The following HMCN2 variants were observed in gnomAD, a reference collection of about 807,000 sequenced individuals.
HMCN2 encodes hemicentin-2.
In HMCN2, 325 loss-of-function variants were observed where a neutral mutation model predicts 377.5. The ratio of observed to expected loss-of-function variants is 0.86; its 90% confidence interval spans 0.79 to 0.94. HMCN2 has a LOEUF of 0.94. HMCN2 is among the 40% of genes least tolerant of loss of function. The pLI, the probability that HMCN2 is intolerant of heterozygous loss-of-function variation, is 0.00. For missense variants in HMCN2, 4,543 were observed against 4,725.3 expected, an observed-to-expected ratio of 0.96 and a Z score of 1.13; for synonymous variants, 2,007 against 2,046.8, an observed-to-expected ratio of 0.98 and a Z score of 0.53.
Position 130,375,747 on chromosome 9 carries a change from C to T in HMCN2, c.7804+11C>T. ...TCCAGCTGCTCCCAGGTGACGCCCT[C>T]TGGGGGGAAAGGAGGGAGGGAACAG... On this transcript the variant is annotated intron_variant, in intron 50 of 97. Transcript: ENST00000683500. 1.0e-6 allele frequency: 1 copy of T among 985,798 alleles called. No individual in the cohort carries two copies. The highest frequency in any genetic ancestry group is 1.2e-6 in the Non-Finnish European group (1 of 829,920). The allele number at this position is 985,798 out of a possible 1,614,324, so 61.1% of individuals were successfully genotyped here. A position where few individuals can be genotyped will look rare whatever the true frequency, so the allele number is the denominator to read the frequency against.
chr9:130,274,332 A>C (rs1834561906), intron 1 of HMCN2, among the ~76,000 whole-genome samples: 1 of 152,202 alleles, frequency 6.6e-6, no homozygotes. Context: ...CTGGGATTGC[A>C]GGTGTGAGCC....
chr9:130,317,493 C>CAA (rs1837624285), intron 15 of HMCN2, among the ~76,000 whole-genome samples: 1 of 140,430 alleles, frequency 7.1e-6, no homozygotes, highest in African/African-American at 3.1e-5. Context: ...CTCTCTCTCT[C>CAA]TCTCTCTCTC....
intron 45 of HMCN2, among the ~76,000 whole-genome samples, 182 bp from the exon 46 acceptor site, chr9:130,370,782 G>A (rs534869282): frequency 6.6e-6 from 1 of 152,324 alleles, no homozygotes; most frequent in South Asian, 2.1e-4. Context: ...CCCAGCCTGT[G>A]GCGCCATGGG....
intron 35 of HMCN2, 70 bp from the exon 36 acceptor site, chr9:130,358,320 C>G: frequency 1.5e-6 from 2 of 1,299,354 alleles, no homozygotes; most frequent in Non-Finnish European, 2.0e-6. Flanking sequence ...CGGCAGCAGC[C>G]TGGCCACTCG....
In HMCN2 at chr9:130,373,064, T is replaced by G. The variant is rs1463920292; in HGVS notation, c.7378T>G (p.Leu2460Val). 1 of 968,072 alleles carries G rather than the reference T, an allele frequency of 1.0e-6. No homozygotes were observed. Among genetic ancestry groups the G allele is most frequent in the African/African-American group, 1.9e-5 (1 of 53,130 alleles). 60.0% of individuals were successfully genotyped at this position (968,072 alleles called of 1,614,324 possible). ...TCCTCCCAGTATTGAGAACGAGGAC[T>G]TGGAGGAGGTGATCAAGGTCCTTGA... ...LVPPSIENEDLEEVIKVLDGQ... is the reference protein window; with the variant it reads ...LVPPSIENEDVEEVIKVLDGQ... Residue 2460 changes from leucine to valine, a missense_variant, in exon 48 of 98, where the codon TTG (leucine) becomes GTG (valine). Physicochemically the swap from Leu to Val is conservative, Grantham distance 32. This residue lies in a region of HMCN2 where 1,032 missense variants were observed against 1,285.1 expected (regional missense o/e 0.80). Coordinates refer to ENST00000683500, the MANE Select transcript of HMCN2 (RefSeq NM_001291815.2).
At chr9:130,427,749 T>C in intron 92 of HMCN2, 130 bp downstream of exon 92, 2 of 1,173,990 alleles carry the variant, frequency 1.7e-6, no homozygotes, top group Non-Finnish European at 2.3e-6. Flanking sequence ...CTTGAGGGTT[T>C]TGATGTCAGC....
At chr9:130,363,694 G>A (rs916995086) in intron 40 of HMCN2, among the ~76,000 whole-genome samples, 8 of 151,900 alleles carry the variant, frequency 5.3e-5, no homozygotes, top group East Asian at 1.9e-4. Context: ...ATGGTGGTGC[G>A]TGCCTGTAGT....
At chr9:130,384,569 G>A (rs879448365) in intron 58 of HMCN2, 35 bp downstream of exon 58, 52 of 1,304,152 alleles carry the variant, frequency 4.0e-5, no homozygotes, top group Non-Finnish European at 5.0e-5. Flanking sequence ...CAGCTCTAAG[G>A]TTACATGGGG....
In HMCN2 at chr9:130,433,936, G is replaced by C. The variant is rs2131849992; in HGVS notation, c.*243G>C. On this transcript the variant is annotated 3_prime_UTR_variant, in exon 98 of 98. Coordinates refer to ENST00000683500, the MANE Select transcript of HMCN2 (RefSeq NM_001291815.2). Reference sequence around the variant, plus strand: ...GGCCAGTCCCGCAGGCAGGGCCCGGGGAAGCCCGGATCAGACCTCCAGGTC... The same window carrying C: ...GGCCAGTCCCGCAGGCAGGGCCCGGCGAAGCCCGGATCAGACCTCCAGGTC... 4.5e-6 allele frequency: 2 copies of C among 444,438 alleles called. No homozygotes were observed. The highest frequency in any genetic ancestry group is 7.6e-5 in the East Asian group (2 of 26,380). 27.5% of individuals were successfully genotyped at this position (444,438 alleles called of 1,614,324 possible).
chr9:130,357,914 G>T lies in HMCN2; in HGVS notation c.5506G>T (p.Asp1836Tyr). 3.1e-6 allele frequency: 4 copies of T among 1,304,112 alleles called. No homozygotes were observed. The highest frequency in any genetic ancestry group is 4.0e-6 in the Non-Finnish European group (4 of 988,800). 80.8% of individuals were successfully genotyped at this position (1,304,112 alleles called of 1,614,324 possible). Reference sequence around the variant, plus strand: ...GCCTGTGACCCTCCAGTGCATAGGGGATGGGGTGCCCACCCCAAGCCTCCG... The same window carrying T: ...GCCTGTGACCCTCCAGTGCATAGGGTATGGGGTGCCCACCCCAAGCCTCCG... ...LQPVTLQCIGDGVPTPSLRWW... is the reference protein window; with the variant it reads ...LQPVTLQCIGYGVPTPSLRWW... The change falls in exon 35 of 98, where the codon GAT becomes TAT. Residue 1836 changes from aspartate (D) to tyrosine (Y), a missense_variant. Transcript: ENST00000683500.
intron 53 of HMCN2, among the ~76,000 whole-genome samples, chr9:130,378,138 G>A (rs577648506): frequency 1.3e-5 from 2 of 152,134 alleles, no homozygotes; most frequent in African/African-American, 4.8e-5. Flanking sequence ...ATCTCTGGTC[G>A]AGAGTAAGCT....
rs150187727 is a variant in HMCN2, at chr9:130,295,753, C to G, written c.872C>G (p.Pro291Arg). ...AKVVAFKPEHPGLWSIKVYSS... is the reference protein window; with the variant it reads ...AKVVAFKPEHRGLWSIKVYSS... ...GTCGTAGCCTTTAAGCCTGAGCATCCGGGGCTGTGGTCCATCAAGGTAGGG... is the reference window on the plus strand; with the variant it reads ...GTCGTAGCCTTTAAGCCTGAGCATCGGGGGCTGTGGTCCATCAAGGTAGGG... Residue 291 changes from proline (P) to arginine (R), a missense_variant, in exon 6 of 98, where the codon CCG becomes CGG. Transcript: ENST00000683500. 1 of 470,860 alleles carries G rather than the reference C, an allele frequency of 2.1e-6. No individual in the cohort carries two copies. The highest frequency in any genetic ancestry group is 4.4e-6 in the Non-Finnish European group (1 of 226,992). 29.2% of individuals were successfully genotyped at this position (470,860 alleles called of 1,614,324 possible). A position where few individuals can be genotyped will look rare whatever the true frequency, so the allele number is the denominator to read the frequency against.
Position 130,349,023 on chromosome 9 carries a change from C to T in HMCN2, c.4195C>T (p.Gln1399Ter). Residue 1399 changes from glutamine to a stop codon, truncating the protein, a stop_gained, in exon 28 of 98, where the codon CAG becomes TAG. Transcript: ENST00000683500. LOFTEE classifies it high-confidence loss of function. ...CGGCCACCGCCTCCTGGACGAGGGC[C>T]AGTCCCTCCACTTCCCCAGGATCCA... ...VGGHRLLDEG[Q>*]SLHFPRIQEG... 2 of 1,304,192 alleles carry T rather than the reference C, an allele frequency of 1.5e-6. No individual in the cohort carries two copies. The highest frequency in any genetic ancestry group is 2.0e-6 in the Non-Finnish European group (2 of 988,918). The allele number at this position is 1,304,192 out of a possible 1,614,324, so 80.8% of individuals were successfully genotyped here.
At chr9:130,425,543 C>G (rs778657293) in intron 89 of HMCN2, 144 bp from the exon 90 acceptor site, 10 of 661,296 alleles carry the variant, frequency 1.5e-5, no homozygotes, top group Non-Finnish European at 2.4e-5. Flanking sequence ...TTCTCCCAAG[C>G]CTCCTCAAGC....
chr9:130,421,602 C>G, intron 86 of HMCN2, among the ~76,000 whole-genome samples: 1 of 152,312 alleles, frequency 6.6e-6, no homozygotes, highest in East Asian at 1.9e-4. Flanking sequence ...CCAGCCTTCT[C>G]ATCTGCAGCT....
At chr9:130,392,804 GGC>G (rs1842394441) in intron 66 of HMCN2, among the ~76,000 whole-genome samples, 1 of 152,066 alleles carries the variant, frequency 6.6e-6, no homozygotes. Context: ...AGACCATCCT[GGC>G]TAACACGGTG....
chr9:130,394,507 G>A lies in HMCN2; in HGVS notation c.10624G>A (p.Gly3542Arg), dbSNP rs773287581. 11 of 1,289,678 alleles carry A rather than the reference G, an allele frequency of 8.5e-6. No individual in the cohort carries two copies. In the East Asian group the frequency reaches 2.2e-4, roughly 26 times the overall value. 79.9% of individuals were successfully genotyped at this position (1,289,678 alleles called of 1,614,324 possible). Reference sequence around the variant, plus strand: ...GCCCAACATCACCTGGCATAAGGACGGGCAGGCCCTGACCAGGCTGGAGAA... The same window carrying A: ...GCCCAACATCACCTGGCATAAGGACAGGCAGGCCCTGACCAGGCTGGAGAA... ...PQPNITWHKD[G>R]QALTRLENNS... Residue 3542 changes from glycine (G) to arginine (R), a missense_variant, in exon 69 of 98, where the codon GGG (glycine) becomes AGG (arginine). By Grantham distance (125) the Gly-to-Arg change is moderately radical. Transcript: ENST00000683500. This position sits in a 1 kb window ranked among gnomAD's most constrained non-coding sequence, Gnocchi z 5.1.
In HMCN2 at chr9:130,433,502, GA is replaced by G; in HGVS notation, c.15050del (p.Glu5017GlyfsTer75). The G allele has an allele frequency of 3.3e-6, 5 of 1,498,030 alleles. No homozygotes were observed. The highest frequency in any genetic ancestry group is 2.7e-6 in the Non-Finnish European group (3 of 1,131,074). The allele number at this position is 1,498,030 out of a possible 1,614,324, so 92.8% of individuals were successfully genotyped here. Reference sequence around the variant, plus strand: ...GGTCGGCGTCCCCGCCAACCGCACCGAGCTCAGCATGCTGGAGCCCGACCCC... The same window carrying G: ...GGTCGGCGTCCCCGCCAACCGCACCGGCTCAGCATGCTGGAGCCCGACCCC... ...SEVGVPANRT[E>X]LSMLEPDPRS... On this transcript the variant is annotated frameshift_variant, in exon 98 of 98. Transcript: ENST00000683500. LOFTEE classifies it high-confidence loss of function.
chr9:130,382,335 T>C, intron 55 of HMCN2, 38 bp downstream of exon 55: 1 of 936,410 alleles, frequency 1.1e-6, no homozygotes, highest in Non-Finnish European at 1.3e-6. Context: ...TTCCCGGGAC[T>C]GCAAGCGCCG....
Sources: gnomAD v4.1 joint callset for allele counts (sites outside exome capture counted in the v4.1 genomes callset) on GRCh38, gnomAD v4.1.1 for gene constraint, gnomAD v4.1.1 regional missense constraint, Gnocchi (gnomAD v3.1) non-coding constraint, MANE v1.5 for transcripts, NCBI Gene and HGNC (gene_info 2026-07-23, HGNC 2026-07-21) for gene names.